The following CHST8 variants were observed in gnomAD, a reference collection of about 807,000 sequenced individuals.
CHST8 encodes carbohydrate sulfotransferase 8, also known as GALNAC-4-ST1.
In CHST8, 10 loss-of-function variants were observed where a neutral mutation model predicts 15.0. The observed-to-expected ratio is 0.67, with a 90% CI of 0.41 to 1.13. The LOEUF (loss-of-function observed/expected upper bound fraction) is 1.13. Among genes scored for constraint, CHST8 ranks in the 50% most tolerant of loss-of-function variants. The probability of loss-of-function intolerance (pLI) is 0.00; values close to 1 mark genes in which losing one functional copy is unlikely to be tolerated. For missense variants in CHST8, 634 were observed against 608.2 expected (o/e 1.04, Z -0.45); for synonymous variants, 259 against 256.6 (o/e 1.01, Z -0.09).
intron 2 of CHST8, among the ~76,000 whole-genome samples, chr19:33,682,890 C>G (rs778040602): frequency 6.6e-6 from 1 of 152,152 alleles, no homozygotes; most frequent in Non-Finnish European, 1.5e-5. Flanking sequence ...AGGTTTAATT[C>G]GCTTGTGGTT....
At chr19:33,715,173 G>A (rs1973643756) in intron 3 of CHST8, among the ~76,000 whole-genome samples, 1 of 152,200 alleles carries the variant, frequency 6.6e-6, no homozygotes, top group Non-Finnish European at 1.5e-5. Flanking sequence ...CTGTGCCCTG[G>A]TCCTCCCCTT....
At chr19:33,684,826 C>A (rs932284253) in intron 2 of CHST8, 1 of 152,228 alleles carries the variant, frequency 6.6e-6, no homozygotes, top group Non-Finnish European at 1.5e-5. Context: ...GCTGCTGCCA[C>A]CGCGGCAGAA....
chr19:33,772,702 G>T lies in CHST8; in HGVS notation c.914G>T (p.Gly305Val). 1 of 1,613,532 alleles carries T rather than the reference G, an allele frequency of 6.2e-7. No homozygotes were observed. The highest frequency in any genetic ancestry group is 8.5e-7 in the Non-Finnish European group (1 of 1,180,016). ...ASREALRTGS[G>V]VRFPEFVQYL... ...CGGGAGGCCCTGCGGACCGGCTCTGGGGTGCGTTTTCCCGAGTTCGTCCAG... is the reference window on the plus strand; with the variant it reads ...CGGGAGGCCCTGCGGACCGGCTCTGTGGTGCGTTTTCCCGAGTTCGTCCAG... The change falls in exon 5 of 5, where the codon GGG becomes GTG. Residue 305 changes from glycine (G) to valine (V), a missense_variant. Transcript: ENST00000650847.
At chr19:33,763,192 A>C (rs759448773) in intron 3 of CHST8, among the ~76,000 whole-genome samples, 1 of 152,146 alleles carries the variant, frequency 6.6e-6, no homozygotes, top group Non-Finnish European at 1.5e-5. Context: ...AGCCTGCATT[A>C]AAAACTACAA....
At chr19:33,623,989 T>C (rs963020224) in intron 1 of CHST8, among the ~76,000 whole-genome samples, 7 of 152,114 alleles carry the variant, frequency 4.6e-5, no homozygotes, top group Non-Finnish European at 1.0e-4. Flanking sequence ...AATTATCCAA[T>C]AGCATTTGAA....
At chr19:33,662,588 C>A (rs989530399) in intron 1 of CHST8, among the ~76,000 whole-genome samples, 68 of 152,264 alleles carry the variant, frequency 4.5e-4, no homozygotes, top group African/African-American at 1.6e-3. Flanking sequence ...CCTGGAGTCC[C>A]AGCGTTACGC....
chr19:33,626,668 C>T (rs1412685670), intron 1 of CHST8, among the ~76,000 whole-genome samples: 1 of 152,058 alleles, frequency 6.6e-6, no homozygotes, highest in Non-Finnish European at 1.5e-5. Flanking sequence ...ACCGGCTCCT[C>T]TTCTCCTTCC....
At chr19:33,740,690 C>A (rs552139442) in intron 3 of CHST8, among the ~76,000 whole-genome samples, 100 of 152,338 alleles carry the variant, frequency 6.6e-4, no homozygotes, top group African/African-American at 2.3e-3. Flanking sequence ...ACCTACCTAT[C>A]TTCCCCACTA....
intron 1 of CHST8, among the ~76,000 whole-genome samples, chr19:33,627,996 A>G (rs1354049397): frequency 6.6e-6 from 1 of 152,202 alleles, no homozygotes; most frequent in Admixed American, 6.5e-5. Flanking sequence ...TAAAGAATAT[A>G]AGGAAATAAA....
At chr19:33,757,338 C>G (rs1232869904) in intron 3 of CHST8, among the ~76,000 whole-genome samples, 1 of 148,256 alleles carries the variant, frequency 6.7e-6, no homozygotes, top group Non-Finnish European at 1.5e-5. Context: ...CAAAACCATG[C>G]CACTGCACTC....
chr19:33,713,547 G>A (rs1201044225), intron 3 of CHST8, among the ~76,000 whole-genome samples: 3 of 152,050 alleles, frequency 2.0e-5, no homozygotes, highest in Non-Finnish European at 4.4e-5. Flanking sequence ...GGGGAGGCTG[G>A]CACTGGGGCT....
In CHST8 at chr19:33,689,239, G is replaced by T. The variant is rs748923128; in HGVS notation, c.-23G>T. Reference sequence around the variant, plus strand: ...AAGAACGTGCCCCCCACACCCAAGAGGTGACCCCTGAGCCAGCCCCGGATG... The same window carrying T: ...AAGAACGTGCCCCCCACACCCAAGATGTGACCCCTGAGCCAGCCCCGGATG... On this transcript the variant is annotated 5_prime_UTR_variant, in exon 3 of 5. The change creates a new upstream start codon in the 5' untranslated region. Coordinates refer to ENST00000650847, the MANE Select transcript of CHST8 (RefSeq NM_001127895.2). 6.5e-7 allele frequency: 1 copy of T among 1,546,484 alleles called. No homozygotes were observed. The highest frequency in any genetic ancestry group is 8.7e-7 in the Non-Finnish European group (1 of 1,148,156).
At chr19:33,753,782 A>C (rs1410436957) in intron 3 of CHST8, among the ~76,000 whole-genome samples, 1 of 6,908 alleles carries the variant, frequency 1.4e-4, no homozygotes, top group African/African-American at 7.9e-4. Context: ...CACCATCCCC[A>C]CACCACCCAC....
chr19:33,764,214 G>A (rs1325328295), intron 3 of CHST8, among the ~76,000 whole-genome samples: 1 of 152,192 alleles, frequency 6.6e-6, no homozygotes, highest in Non-Finnish European at 1.5e-5. Flanking sequence ...GAATGACACA[G>A]ATGGACATGA....
intron 3 of CHST8, among the ~76,000 whole-genome samples, chr19:33,768,097 C>A (rs2145391804): frequency 6.6e-6 from 1 of 152,240 alleles, no homozygotes; most frequent in African/African-American, 2.4e-5. Flanking sequence ...ATGTGCAGAC[C>A]CCTGCCCCAG....
intron 3 of CHST8, among the ~76,000 whole-genome samples, chr19:33,743,725 C>T (rs1439189088): frequency 6.6e-6 from 1 of 152,158 alleles, no homozygotes; most frequent in African/African-American, 2.4e-5. Flanking sequence ...GTCAGATCCT[C>T]TAACCCAAGA....
intron 3 of CHST8, among the ~76,000 whole-genome samples, chr19:33,720,403 C>T (rs1245775404): frequency 1.3e-5 from 2 of 151,220 alleles, no homozygotes; most frequent in Non-Finnish European, 3.0e-5. Context: ...CCACACACCC[C>T]GCACACATGT....
intron 1 of CHST8, among the ~76,000 whole-genome samples, chr19:33,665,434 G>A (rs550167378): frequency 5.9e-5 from 9 of 152,292 alleles, no homozygotes; most frequent in South Asian, 2.1e-4. Context: ...CAGAACAGGC[G>A]TGGCTGTGTT....
At chr19:33,741,176 G>T (rs1170757197) in intron 3 of CHST8, among the ~76,000 whole-genome samples, 1 of 152,096 alleles carries the variant, frequency 6.6e-6, no homozygotes, top group Non-Finnish European at 1.5e-5. Context: ...ATGCTCTGAG[G>T]TACCTACATG....
Sources: allele counts gnomAD v4.1 joint callset (sites outside exome capture counted in the v4.1 genomes callset), GRCh38; gene constraint gnomAD v4.1.1; transcripts MANE v1.5; gene names NCBI Gene and HGNC (gene_info 2026-07-23, HGNC 2026-07-21).